Variants in PTPN4 observed in about 807,000 individuals in gnomAD.
PTPN4 encodes tyrosine-protein phosphatase non-receptor type 4.
A neutral mutation model predicts 135.5 loss-of-function variants in PTPN4; 49 were observed. That is an observed-to-expected ratio of 0.36 (90% confidence interval 0.29 to 0.46). PTPN4 has a LOEUF of 0.46. Ranked by LOEUF, PTPN4 falls within the 20% of genes least tolerant of loss-of-function variation. The pLI, the probability that PTPN4 is intolerant of heterozygous loss-of-function variation, is 1.00. For missense variants in PTPN4, 860 were observed against 1,101.0 expected (o/e 0.78, Z 3.10); for synonymous variants, 333 against 369.9 (o/e 0.90, Z 1.14).
intron 19 of PTPN4, among the ~76,000 whole-genome samples, chr2:119,954,359 C>A (rs575560904): frequency 1.3e-5 from 2 of 152,242 alleles, no homozygotes; most frequent in African/African-American, 4.8e-5. Flanking sequence ...CCTCCCTTCC[C>A]TTTCTATACC....
intron 8 of PTPN4, among the ~76,000 whole-genome samples, chr2:119,883,197 C>T (rs1574386412): frequency 6.6e-6 from 1 of 152,144 alleles, no homozygotes; most frequent in East Asian, 1.9e-4. Context: ...TCGGTGAAAA[C>T]TTTGTTTCAT....
intron 2 of PTPN4, among the ~76,000 whole-genome samples, chr2:119,824,966 G>T (rs1438251614): frequency 1.3e-5 from 2 of 152,194 alleles, no homozygotes; most frequent in Non-Finnish European, 2.9e-5. Flanking sequence ...GGGATTACAG[G>T]TATGAGCTAC....
chr2:119,914,175 C>T (rs1678614213), intron 10 of PTPN4, among the ~76,000 whole-genome samples: 1 of 148,250 alleles, frequency 6.7e-6, no homozygotes, highest in South Asian at 2.1e-4. Context: ...TCTGAAATAT[C>T]AGTGTGTCTT....
At chr2:119,784,270 T>TC (rs1230392269) in intron 1 of PTPN4, among the ~76,000 whole-genome samples, 2 of 141,686 alleles carry the variant, frequency 1.4e-5, no homozygotes. Context: ...TGATGTAGAC[T>TC]CCCTTTTTTT....
At chr2:119,871,753 T>C (rs1677913890) in intron 3 of PTPN4, among the ~76,000 whole-genome samples, 1 of 152,198 alleles carries the variant, frequency 6.6e-6, no homozygotes, top group Non-Finnish European at 1.5e-5. Flanking sequence ...GATACTGTTA[T>C]TTTAGTAATA....
At chr2:119,840,664 A>G (rs549247622) in intron 2 of PTPN4, among the ~76,000 whole-genome samples, 1 of 152,326 alleles carries the variant, frequency 6.6e-6, no homozygotes, top group African/African-American at 2.4e-5. Flanking sequence ...GCATTGCCAC[A>G]CTGTCTTCCA....
intron 12 of PTPN4, among the ~76,000 whole-genome samples, chr2:119,922,698 G>A (rs72838996): frequency 0.024 from 3,659 of 152,294 alleles, 65 homozygotes; most frequent in Non-Finnish European, 0.033. Flanking sequence ...AATCATGAAT[G>A]TGTTGAGAAA....
At chr2:119,793,964 T>C (rs1268269084) in intron 1 of PTPN4, among the ~76,000 whole-genome samples, 1 of 138,062 alleles carries the variant, frequency 7.2e-6, no homozygotes, top group Non-Finnish European at 1.5e-5. Flanking sequence ...CAAGTGATCC[T>C]CCTATCTCAA....
intron 2 of PTPN4, among the ~76,000 whole-genome samples, chr2:119,849,608 G>A (rs766441834): frequency 3.9e-5 from 6 of 152,114 alleles, no homozygotes; most frequent in Admixed American, 6.6e-5. Flanking sequence ...CAAGCAAACC[G>A]GACATTTTAG....
chr2:119,816,362 G>A (rs1301272567), intron 2 of PTPN4, among the ~76,000 whole-genome samples: 1 of 152,082 alleles, frequency 6.6e-6, no homozygotes, highest in Non-Finnish European at 1.5e-5. Context: ...GTTCAGCCTG[G>A]ACAGCATAGC....
intron 5 of PTPN4, among the ~76,000 whole-genome samples, chr2:119,879,092 G>GAA (rs11433216): frequency 6.8e-4 from 81 of 119,586 alleles, no homozygotes; most frequent in Non-Finnish European, 8.8e-4. Context: ...GACTCCGTCT[G>GAA]AAAAAAAAAA....
chr2:119,763,193 A>G (rs186641361), intron 1 of PTPN4, among the ~76,000 whole-genome samples: 46 of 152,318 alleles, frequency 3.0e-4, no homozygotes, highest in Non-Finnish European at 4.9e-4. Context: ...ATCTTCCCTC[A>G]CATTCATTCT....
intron 2 of PTPN4, among the ~76,000 whole-genome samples, chr2:119,827,443 A>G (rs949131678): frequency 2.6e-5 from 4 of 152,198 alleles, no homozygotes; most frequent in Non-Finnish European, 4.4e-5. Context: ...TTACTTGCTA[A>G]TTTTCCTTGG....
chr2:119,924,544 A>C (rs1558765649), intron 12 of PTPN4, among the ~76,000 whole-genome samples: 1 of 151,996 alleles, frequency 6.6e-6, no homozygotes, highest in Non-Finnish European at 1.5e-5. Flanking sequence ...ATATATAAAG[A>C]GAGAGAGAAA....
chr2:119,925,114 C>T (rs922936809), intron 12 of PTPN4, among the ~76,000 whole-genome samples: 1 of 152,090 alleles, frequency 6.6e-6, no homozygotes, highest in African/African-American at 2.4e-5. Flanking sequence ...CTGCATCTTG[C>T]AGAGAAGTAC....
chr2:119,835,289 A>G (rs1470732400), intron 2 of PTPN4, among the ~76,000 whole-genome samples: 1 of 152,000 alleles, frequency 6.6e-6, no homozygotes, highest in Non-Finnish European at 1.5e-5. Flanking sequence ...GGTTCAAGCA[A>G]TTCTCCTGCC....
intron 15 of PTPN4, among the ~76,000 whole-genome samples, chr2:119,938,528 A>G (rs1679017773): frequency 6.6e-6 from 1 of 152,160 alleles, no homozygotes; most frequent in Non-Finnish European, 1.5e-5. Context: ...TTGGTTTTAA[A>G]TATGTTAAAA....
intron 10 of PTPN4, 40 bp from the exon 11 acceptor site, chr2:119,915,139 A>G (rs1304179328): frequency 3.5e-6 from 5 of 1,426,692 alleles, no homozygotes; most frequent in Non-Finnish European, 3.8e-6. Context: ...TATTTTTATC[A>G]TTATTCAATA....
chr2:119,934,985 C>T (rs1039947527), intron 15 of PTPN4, 27 bp downstream of exon 15: 1 of 1,577,612 alleles, frequency 6.3e-7, no homozygotes, highest in Non-Finnish European at 8.6e-7. Flanking sequence ...TTTGCTTCCT[C>T]TGTATTTTCA....
Sources: allele counts gnomAD v4.1 joint callset (sites outside exome capture counted in the v4.1 genomes callset), GRCh38; gene constraint gnomAD v4.1.1; transcripts MANE v1.5; gene names NCBI Gene and HGNC (gene_info 2026-07-23, HGNC 2026-07-21).